GABRB2: variants seen among roughly 807,000 people sequenced by gnomAD.
GABRB2 encodes the protein gamma-aminobutyric acid receptor subunit beta-2.
Under a neutral mutation model 54.7 loss-of-function variants are expected in GABRB2, and 16 were observed. That is an observed-to-expected ratio of 0.29 (90% CI 0.20 to 0.44). The LOEUF (loss-of-function observed/expected upper bound fraction) is 0.44. GABRB2 is among the 20% of genes least tolerant of loss of function. The pLI, the probability that GABRB2 is intolerant of heterozygous loss-of-function variation, is 1.00. For missense variants in GABRB2, 355 were observed against 644.0 expected, an observed-to-expected ratio of 0.55 and a Z score of 4.86; for synonymous variants, 244 against 233.8, an observed-to-expected ratio of 1.04 and a Z score of -0.40.
intron 3 of GABRB2, among the ~76,000 whole-genome samples, chr5:161,509,881 T>G (rs1759714316): frequency 6.6e-6 from 1 of 151,988 alleles, no homozygotes; most frequent in African/African-American, 2.4e-5. Context: ...CTGCATGATC[T>G]TTCTATAACA....
At chr5:161,299,988 C>T (rs1323741861) in intron 9 of GABRB2, among the ~76,000 whole-genome samples, 3 of 152,136 alleles carry the variant, frequency 2.0e-5, no homozygotes, top group African/African-American at 7.2e-5. Flanking sequence ...ACCTAAAGAA[C>T]ATAGGTGCTG....
At chr5:161,383,983 G>A (rs1755548740) in intron 5 of GABRB2, among the ~76,000 whole-genome samples, 1 of 152,116 alleles carries the variant, frequency 6.6e-6, no homozygotes. Flanking sequence ...CACCTCCTGA[G>A]TTCAAGTGAT....
At chr5:161,465,006 G>C (rs1272037873) in intron 3 of GABRB2, among the ~76,000 whole-genome samples, 1 of 151,958 alleles carries the variant, frequency 6.6e-6, no homozygotes, top group African/African-American at 2.4e-5. Context: ...TCAAAACTCA[G>C]AACTGTATAC....
intron 5 of GABRB2, among the ~76,000 whole-genome samples, chr5:161,389,575 T>TGC (rs1241578191): frequency 6.6e-6 from 1 of 150,508 alleles, no homozygotes; most frequent in Non-Finnish European, 1.5e-5. Flanking sequence ...TTGTGGAGTG[T>TGC]GTGTGTGTGT....
At chr5:161,360,235 GA>G (rs536066932) in intron 5 of GABRB2, among the ~76,000 whole-genome samples, 3 of 150,904 alleles carry the variant, frequency 2.0e-5, no homozygotes, top group Middle Eastern at 3.4e-3. Context: ...TGGCTCTTTA[GA>G]AAAAAAAATG....
intron 5 of GABRB2, among the ~76,000 whole-genome samples, chr5:161,385,419 A>G (rs1478145299): frequency 5.3e-5 from 8 of 152,172 alleles, no homozygotes; most frequent in Non-Finnish European, 1.2e-4. Context: ...TTTGGAACAA[A>G]CAGAAACAGT....
chr5:161,528,935 A>G (rs1032811039), intron 3 of GABRB2, among the ~76,000 whole-genome samples: 9 of 152,002 alleles, frequency 5.9e-5, no homozygotes, highest in Non-Finnish European at 1.0e-4. Flanking sequence ...ACATCAGTTT[A>G]CTAAGTATTC....
At chr5:161,317,894 A>G (rs1035797124) in intron 9 of GABRB2, among the ~76,000 whole-genome samples, 6 of 152,070 alleles carry the variant, frequency 3.9e-5, no homozygotes, top group Non-Finnish European at 8.8e-5. Flanking sequence ...AAATATGATA[A>G]ATACAAGTTA....
chr5:161,358,215 G>T (rs907275084), intron 5 of GABRB2, among the ~76,000 whole-genome samples: 1 of 152,250 alleles, frequency 6.6e-6, no homozygotes, highest in African/African-American at 2.4e-5. Context: ...ATGTATTAAG[G>T]AGTGGAGGCT....
intron 5 of GABRB2, among the ~76,000 whole-genome samples, chr5:161,382,420 C>T (rs1248339872): frequency 6.6e-6 from 1 of 152,166 alleles, no homozygotes; most frequent in African/African-American, 2.4e-5. Context: ...GATGCTTTCA[C>T]GGATCATAGC....
intron 5 of GABRB2, among the ~76,000 whole-genome samples, chr5:161,404,800 T>C (rs1332670518): frequency 1.3e-5 from 2 of 152,154 alleles, no homozygotes; most frequent in Non-Finnish European, 1.5e-5. Flanking sequence ...ATATGGGATC[T>C]GCATCTTCAC....
intron 9 of GABRB2, among the ~76,000 whole-genome samples, chr5:161,321,457 A>T: frequency 6.6e-6 from 1 of 152,056 alleles, no homozygotes; most frequent in Admixed American, 6.6e-5. Flanking sequence ...TGTTATCTTT[A>T]GTTCTAAATG....
chr5:161,324,965 T>G (rs973143521), intron 9 of GABRB2, among the ~76,000 whole-genome samples: 3 of 152,086 alleles, frequency 2.0e-5, no homozygotes, highest in African/African-American at 7.2e-5. Flanking sequence ...CTGCACACTT[T>G]AATGCACCAA....
chr5:161,320,351 A>T (rs1580976626), intron 9 of GABRB2, among the ~76,000 whole-genome samples: 2 of 140,852 alleles, frequency 1.4e-5, no homozygotes, highest in South Asian at 4.5e-4. Flanking sequence ...CTTCAATTTA[A>T]TTTTTATTGT....
intron 3 of GABRB2, among the ~76,000 whole-genome samples, chr5:161,517,555 A>G (rs958205228): frequency 1.3e-5 from 2 of 152,132 alleles, no homozygotes; most frequent in African/African-American, 4.8e-5. Flanking sequence ...GTTGCCTGGA[A>G]AAACACTTGA....
chr5:161,398,052 T>C (rs528780018), intron 5 of GABRB2, among the ~76,000 whole-genome samples: 3 of 152,278 alleles, frequency 2.0e-5, no homozygotes, highest in East Asian at 1.9e-4. Context: ...GATAGATAGA[T>C]AGATAGACAG....
chr5:161,418,168 T>C (rs1367219272), intron 4 of GABRB2, among the ~76,000 whole-genome samples: 1 of 152,210 alleles, frequency 6.6e-6, no homozygotes, highest in African/African-American at 2.4e-5. Flanking sequence ...TCCTGTGGAA[T>C]CAAAGCAGCA....
intron 3 of GABRB2, among the ~76,000 whole-genome samples, chr5:161,466,228 T>A (rs1401834050): frequency 6.6e-6 from 1 of 152,120 alleles, no homozygotes; most frequent in Non-Finnish European, 1.5e-5. Flanking sequence ...GTGTACATAA[T>A]GTCAAAATGA....
At chr5:161,461,732 G>A (rs1187256263) in intron 3 of GABRB2, among the ~76,000 whole-genome samples, 1 of 152,026 alleles carries the variant, frequency 6.6e-6, no homozygotes, top group Admixed American at 6.6e-5. Context: ...CCTACTTGAG[G>A]GTTTTTTAAA....
Sources: allele counts gnomAD v4.1 joint callset (sites outside exome capture counted in the v4.1 genomes callset), GRCh38; gene constraint gnomAD v4.1.1; transcripts MANE v1.5; gene names NCBI Gene and HGNC (gene_info 2026-07-23, HGNC 2026-07-21).